The following PCDHGA1 variants were observed in gnomAD, a reference collection of about 807,000 sequenced individuals.
PCDHGA1 encodes protocadherin gamma subfamily A, 1, also known as protocadherin gamma-A1.
Under a neutral mutation model 58.0 loss-of-function variants are expected in PCDHGA1, and 32 were observed. The observed-to-expected ratio is 0.55, with a 90% CI of 0.42 to 0.74. The LOEUF is 0.74. Among genes scored for constraint, PCDHGA1 ranks in the 30% least tolerant of loss-of-function variants. PCDHGA1 has a pLI of 0.00. For missense variants in PCDHGA1, 1,205 were observed against 1,182.3 expected, an observed-to-expected ratio of 1.02 and a Z score of -0.28; for synonymous variants, 498 against 501.1, an observed-to-expected ratio of 0.99 and a Z score of 0.08.
At chr5:141,348,209 C>T (rs539504808) in intron 1 of PCDHGA1, among the ~76,000 whole-genome samples, 12 of 152,292 alleles carry the variant, frequency 7.9e-5, no homozygotes, top group African/African-American at 2.9e-4. Flanking sequence ...ATTCCTCCCT[C>T]AATATATTAG....
chr5:141,469,296 A>T (rs2099196287), intron 1 of PCDHGA1, among the ~76,000 whole-genome samples: 1 of 149,742 alleles, frequency 6.7e-6, no homozygotes, highest in Non-Finnish European at 1.5e-5. Context: ...AACAAAATAG[A>T]CTGGGCACGA....
intron 1 of PCDHGA1, among the ~76,000 whole-genome samples, chr5:141,449,290 G>A (rs1255760925): frequency 1.3e-5 from 2 of 151,934 alleles, no homozygotes; most frequent in Admixed American, 6.6e-5. Context: ...CGGATGCACC[G>A]GGTGAATTAT....
Position 141,486,320 on chromosome 5 carries a change from G to A in PCDHGA1, c.2422-8487G>A, listed in dbSNP as rs764851576. The stretch of plus-strand genomic sequence containing the variant: ...GCAGGATCCAGACTCAGGGTCAAAC[G>A]GAGATGTGAGCCTCCGCATTCCTGA... On this transcript the variant is annotated intron_variant, in intron 1 of 3. Coordinates refer to ENST00000517417, the MANE Select transcript of PCDHGA1 (RefSeq NM_018912.3). This position sits in a 1 kb window ranked among gnomAD's most constrained non-coding sequence, Gnocchi z 5.0. The A allele has an allele frequency of 6.2e-7, 1 of 1,614,010 alleles. No individual in the cohort carries two copies. Among genetic ancestry groups the A allele is most frequent in the South Asian group, 1.1e-5 (1 of 91,060 alleles).
At chr5:141,360,153 G>T in intron 1 of PCDHGA1, 2 of 1,604,018 alleles carry the variant, frequency 1.2e-6, no homozygotes, top group Non-Finnish European at 1.7e-6. Context: ...CGAGCTCAGG[G>T]AGGTGCGGGC....
chr5:141,365,441 G>A (rs749640886), intron 1 of PCDHGA1: 7 of 1,613,952 alleles, frequency 4.3e-6, no homozygotes, highest in East Asian at 2.2e-5. Flanking sequence ...GCTGTTTAGC[G>A]TACATGATGG....
chr5:141,394,536 G>A lies in PCDHGA1; in HGVS notation c.2421+61431G>A. The A allele has an allele frequency of 1.2e-6, 2 of 1,614,188 alleles. No individual in the cohort carries two copies. Among genetic ancestry groups the A allele is most frequent in the Middle Eastern group, 1.7e-4 (1 of 6,058 alleles). Reference sequence around the variant, plus strand: ...CCTCCCCACAGACGGTTCCACTGGCGTGGAGCTGGCGCCCCGCTCCGCAGA... The same window carrying A: ...CCTCCCCACAGACGGTTCCACTGGCATGGAGCTGGCGCCCCGCTCCGCAGA... On this transcript the variant is annotated intron_variant, in intron 1 of 3. Transcript: ENST00000517417.
intron 1 of PCDHGA1, chr5:141,411,997 T>A (rs1321898808): frequency 6.6e-6 from 1 of 152,030 alleles, no homozygotes; most frequent in Non-Finnish European, 1.5e-5. Context: ...GAAGGCATAG[T>A]GACATAAACA....
At chr5:141,423,701 G>A in intron 1 of PCDHGA1, 1 of 1,312,668 alleles carries the variant, frequency 7.6e-7, no homozygotes, top group Non-Finnish European at 9.9e-7. Flanking sequence ...TGGTGTCTTG[G>A]CACAAGTCTT....
intron 1 of PCDHGA1, chr5:141,398,636 A>G (rs770681129): frequency 6.2e-7 from 1 of 1,614,074 alleles, no homozygotes; most frequent in Non-Finnish European, 8.5e-7. Context: ...CTGCAGAAGT[A>G]TAAACTCTCT....
intron 1 of PCDHGA1, chr5:141,415,330 A>G (rs1326574664): frequency 1.2e-6 from 2 of 1,614,094 alleles, no homozygotes; most frequent in African/African-American, 2.7e-5. Context: ...GCTGGCGCAC[A>G]GGCTGCGGCG....
At position 141,485,272 on chromosome 5, in the gene PCDHGA1, C is replaced by T. The variant is rs764196730; in HGVS notation, c.2422-9535C>T. The T allele has an allele frequency of 1.9e-6, 3 of 1,613,948 alleles. No homozygotes were observed. The highest frequency in any genetic ancestry group is 2.7e-5 in the African/African-American group (2 of 74,932). On this transcript the variant is annotated intron_variant, in intron 1 of 3. Transcript: ENST00000517417. The surrounding 1 kb of genome is among the most constrained non-coding windows in gnomAD (Gnocchi z 5.7). ...GTTACGTTTGTGGGCAGATCCGCTACCCGGTCCCAGAGGAGTCACAGGAAG... is the reference window on the plus strand; with the variant it reads ...GTTACGTTTGTGGGCAGATCCGCTATCCGGTCCCAGAGGAGTCACAGGAAG...
chr5:141,475,106 G>T (rs1182368610), intron 1 of PCDHGA1, among the ~76,000 whole-genome samples: 6 of 152,220 alleles, frequency 3.9e-5, no homozygotes, highest in Admixed American at 2.0e-4. Context: ...ATCCTAGGTG[G>T]TAAATAGGCC....
At chr5:141,398,882 G>C in intron 1 of PCDHGA1, 1 of 1,613,930 alleles carries the variant, frequency 6.2e-7, no homozygotes, top group Non-Finnish European at 8.5e-7. Flanking sequence ...GTCAGCCTTC[G>C]GGAAAACGTG....
chr5:141,370,642 A>G (rs944377529), intron 1 of PCDHGA1: 1 of 1,613,836 alleles, frequency 6.2e-7, no homozygotes, highest in Non-Finnish European at 8.5e-7. Context: ...GAAAATGGGA[A>G]CTTACTTGTG....
Position 141,348,442 on chromosome 5 carries a change from G to GA in PCDHGA1, c.2421+15346dup, listed in dbSNP as rs201369878. Among the ~76,000 whole-genome samples the GA allele has an allele frequency of 3.6e-3, 537 of 150,530 alleles. 3 individuals carry two copies. Among genetic ancestry groups the GA allele is most frequent in the African/African-American group, 0.011 (441 of 41,056 alleles). On this transcript the variant is annotated intron_variant, in intron 1 of 3. Coordinates refer to ENST00000517417, the MANE Select transcript of PCDHGA1 (RefSeq NM_018912.3). ...CGTAACTTTTAACATATCATTTTTA[G>GA]AAAAAAAAATGTTTATAGTATTAGT...
At chr5:141,418,672 G>A (rs1170411469) in intron 1 of PCDHGA1, 3 of 1,614,022 alleles carry the variant, frequency 1.9e-6, no homozygotes, top group Non-Finnish European at 2.5e-6. Context: ...ACCAGGACGA[G>A]GGCATCAACT....
chr5:141,333,645 A>T (rs1756476914), intron 1 of PCDHGA1: 1 of 156,270 alleles, frequency 6.4e-6, no homozygotes, highest in South Asian at 1.9e-4. Context: ...AGATCTATAT[A>T]AACTGCAATT....
chr5:141,348,487 GA>G (rs972122606), intron 1 of PCDHGA1, among the ~76,000 whole-genome samples: 9 of 151,958 alleles, frequency 5.9e-5, no homozygotes, highest in Admixed American at 2.0e-4. Context: ...CCTGTAAGGA[GA>G]AAAAAAATTA....
At chr5:141,355,371 G>T (rs777676275) in intron 1 of PCDHGA1, 2 of 1,614,052 alleles carry the variant, frequency 1.2e-6, no homozygotes, top group South Asian at 1.1e-5. Flanking sequence ...TGGCGCCCCG[G>T]GAGCTGGCGG....
Sources: allele counts gnomAD v4.1 joint callset (sites outside exome capture counted in the v4.1 genomes callset), GRCh38; gene constraint gnomAD v4.1.1; non-coding constraint Gnocchi (gnomAD v3.1); transcripts MANE v1.5; gene names NCBI Gene and HGNC (gene_info 2026-07-23, HGNC 2026-07-21).